Variants in KCNMA1 observed in about 807,000 individuals in gnomAD.
The protein encoded by KCNMA1 is Calcium-activated potassium channel subunit alpha-1.
Under a neutral mutation model 140.0 loss-of-function variants are expected in KCNMA1, and 29 were observed. That is an observed-to-expected ratio of 0.21 (90% CI 0.15 to 0.28). KCNMA1 has a LOEUF of 0.28. KCNMA1 is among the 10% of genes least tolerant of loss of function. The pLI is 1.00. For missense variants in KCNMA1, 880 were observed against 1,602.2 expected, an observed-to-expected ratio of 0.55 and a Z score of 7.70; for synonymous variants, 612 against 611.9, an observed-to-expected ratio of 1.00 and a Z score of 0.00.
intron 2 of KCNMA1, among the ~76,000 whole-genome samples, chr10:77,316,199 G>A (rs536758949): frequency 6.6e-6 from 1 of 152,214 alleles, no homozygotes; most frequent in African/African-American, 2.4e-5. Context: ...CTGGCCAACA[G>A]AAGGTTCAAC....
intron 2 of KCNMA1, among the ~76,000 whole-genome samples, chr10:77,281,978 A>G (rs553496975): frequency 2.1e-4 from 32 of 152,304 alleles, no homozygotes; most frequent in African/African-American, 7.5e-4. Flanking sequence ...CCATGATAAT[A>G]AAAGCCAGGG....
chr10:77,517,991 C>G (rs1368412945), intron 1 of KCNMA1, among the ~76,000 whole-genome samples: 1 of 152,092 alleles, frequency 6.6e-6, no homozygotes, highest in Non-Finnish European at 1.5e-5. Context: ...TCAGGGTAGC[C>G]AAGGAAACTC....
At chr10:77,574,536 G>A (rs560046422) in intron 1 of KCNMA1, among the ~76,000 whole-genome samples, 32 of 152,272 alleles carry the variant, frequency 2.1e-4, no homozygotes, top group Middle Eastern at 3.4e-3. Context: ...AAGAAGTCTC[G>A]TTAAATTCTC....
chr10:77,429,627 G>C (rs943016025), intron 1 of KCNMA1, among the ~76,000 whole-genome samples: 1 of 152,058 alleles, frequency 6.6e-6, no homozygotes, highest in African/African-American at 2.4e-5. Context: ...CCCCATAGTA[G>C]TCTATTAAAG....
intron 11 of KCNMA1, 136 bp downstream of exon 11, chr10:77,086,352 G>A (rs2096690342): frequency 1.4e-6 from 1 of 721,672 alleles, no homozygotes; most frequent in African/African-American, 1.7e-5. Context: ...TTGCTGGTAT[G>A]TGATTGATCT....
At position 77,108,272 on chromosome 10, in the gene KCNMA1, T is replaced by C. The variant is rs2097239614; in HGVS notation, c.1223+209A>G. The C allele has an allele frequency of 6.8e-7, 1 of 1,460,828 alleles. No individual in the cohort carries two copies. The highest frequency in any genetic ancestry group is 9.0e-7 in the Non-Finnish European group (1 of 1,113,226). 90.5% of individuals were successfully genotyped at this position (1,460,828 alleles called of 1,614,324 possible). A position where few individuals can be genotyped will look rare whatever the true frequency, so the allele number is the denominator to read the frequency against. On this transcript the variant is annotated intron_variant, in intron 9 of 27. Coordinates refer to ENST00000286628, the MANE Select transcript of KCNMA1 (RefSeq NM_001161352.2). The surrounding 1 kb of genome is among the most constrained non-coding windows in gnomAD (Gnocchi z 4.6). ...AGTCACTCAACCACATCTTTTCTGA[T>C]GCAACTGACTTACTTTCTGCCTCCA... is the stretch of plus-strand genomic sequence containing the variant.
intron 2 of KCNMA1, among the ~76,000 whole-genome samples, chr10:77,273,917 G>C (rs1565648041): frequency 6.6e-6 from 1 of 152,132 alleles, no homozygotes; most frequent in South Asian, 2.1e-4. Flanking sequence ...CTAGAAATTA[G>C]TTATGAAAAA....
chr10:77,374,959 A>G (rs2094979853), intron 2 of KCNMA1, among the ~76,000 whole-genome samples: 1 of 152,244 alleles, frequency 6.6e-6, no homozygotes, highest in Non-Finnish European at 1.5e-5. Context: ...CACAAGGCCT[A>G]AACCAGTTTC....
At chr10:77,554,016 C>G (rs551913626) in intron 1 of KCNMA1, among the ~76,000 whole-genome samples, 2 of 151,580 alleles carry the variant, frequency 1.3e-5, no homozygotes, top group African/African-American at 4.9e-5. Context: ...ACTGTGGCTA[C>G]GATGGGCAGC....
intron 19 of KCNMA1, chr10:76,979,697 T>C (rs1041771354): frequency 6.6e-6 from 1 of 152,222 alleles, no homozygotes; most frequent in Non-Finnish European, 1.5e-5. Flanking sequence ...TTATTAACAT[T>C]ATTACTATTG....
intron 2 of KCNMA1, among the ~76,000 whole-genome samples, chr10:77,265,880 A>G (rs1288021052): frequency 2.0e-5 from 3 of 152,178 alleles, no homozygotes; most frequent in Non-Finnish European, 4.4e-5. Context: ...CAGGAGTTCA[A>G]GACCAGCCTG....
At chr10:77,225,008 C>T (rs1196061988) in intron 3 of KCNMA1, among the ~76,000 whole-genome samples, 1 of 152,166 alleles carries the variant, frequency 6.6e-6, no homozygotes, top group Non-Finnish European at 1.5e-5. Flanking sequence ...CTTCTATGGT[C>T]CCAGCACCCA....
At chr10:76,882,667 T>C (rs1469017757), downstream of KCNMA1, among the ~76,000 whole-genome samples, 2 of 152,226 alleles carry the variant, frequency 1.3e-5, no homozygotes, top group African/African-American at 2.4e-5. Context: ...GATGCTGCCA[T>C]TCTTTGAGCA....
intron 14 of KCNMA1, among the ~76,000 whole-genome samples, chr10:77,058,883 A>G (rs2095639701): frequency 6.6e-6 from 1 of 152,036 alleles, no homozygotes; most frequent in Non-Finnish European, 1.5e-5. Context: ...TAAAGCAAGC[A>G]GAAAGGAAAC....
At chr10:77,334,610 C>T (rs901980673) in intron 2 of KCNMA1, among the ~76,000 whole-genome samples, 4 of 152,106 alleles carry the variant, frequency 2.6e-5, no homozygotes, top group East Asian at 1.9e-4. Context: ...TGTTTGGGGG[C>T]CAGAAAATGA....
intron 5 of KCNMA1, among the ~76,000 whole-genome samples, chr10:77,125,767 G>A (rs572775955): frequency 6.6e-6 from 1 of 152,250 alleles, no homozygotes; most frequent in South Asian, 2.1e-4. Context: ...ATAAGGTGAA[G>A]GCTCAATAAA....
chr10:77,616,495 A>G (rs1448809450), intron 1 of KCNMA1, among the ~76,000 whole-genome samples: 1 of 152,226 alleles, frequency 6.6e-6, no homozygotes, highest in East Asian at 1.9e-4. Context: ...GTGGGGTGAC[A>G]TCTCCCAGCA....
chr10:76,917,060 A>C (rs2053243984), intron 23 of KCNMA1, among the ~76,000 whole-genome samples: 1 of 152,208 alleles, frequency 6.6e-6, no homozygotes, highest in African/African-American at 2.4e-5. Flanking sequence ...AGCCAACCAC[A>C]TAACCAAAAA....
chr10:77,550,807 G>T (rs2062647608), intron 1 of KCNMA1, among the ~76,000 whole-genome samples: 1 of 152,168 alleles, frequency 6.6e-6, no homozygotes, highest in South Asian at 2.1e-4. Context: ...CTCTGAGGTT[G>T]TCCAGGTGGG....
Sources: gnomAD v4.1 joint callset for allele counts (sites outside exome capture counted in the v4.1 genomes callset) on GRCh38, gnomAD v4.1.1 for gene constraint, Gnocchi (gnomAD v3.1) non-coding constraint, MANE v1.5 for transcripts, NCBI Gene and HGNC (gene_info 2026-07-23, HGNC 2026-07-21) for gene names.